Variants in JARID2 observed in about 807,000 individuals in gnomAD.
JARID2 encodes the protein protein Jumonji.
JARID2 carries 21 observed loss-of-function variants against 125.6 expected under a neutral mutation model. The ratio of observed to expected loss-of-function variants is 0.17; its 90% CI spans 0.12 to 0.24. The LOEUF is 0.24. Ranked by LOEUF, JARID2 falls within the 10% of genes least tolerant of loss-of-function variation. JARID2 has a pLI of 1.00. For synonymous variants in JARID2, 736 were observed against 661.6 expected, an observed-to-expected ratio of 1.11 and a Z score of -1.73; for missense variants, 1,303 against 1,639.6, an observed-to-expected ratio of 0.79 and a Z score of 3.55.
At chr6:15,359,818 C>G (rs1763729958) in intron 1 of JARID2, among the ~76,000 whole-genome samples, 1 of 151,912 alleles carries the variant, frequency 6.6e-6, no homozygotes, top group African/African-American at 2.4e-5. Context: ...TCCTGAGTAG[C>G]TGGGACCACA....
intron 1 of JARID2, among the ~76,000 whole-genome samples, chr6:15,324,912 C>T (rs1405419511): frequency 6.6e-6 from 1 of 151,516 alleles, no homozygotes; most frequent in African/African-American, 2.4e-5. Context: ...AAAGCATTCC[C>T]TGCCCTTTGT....
chr6:15,299,025 G>T (rs761641117), intron 1 of JARID2, among the ~76,000 whole-genome samples: 4 of 150,798 alleles, frequency 2.7e-5, no homozygotes, highest in Admixed American at 6.6e-5. Context: ...GAGCAGAGAG[G>T]ATGCTTTGGT....
At chr6:15,408,818 G>A (rs1246211585) in intron 2 of JARID2, among the ~76,000 whole-genome samples, 4 of 152,172 alleles carry the variant, frequency 2.6e-5, no homozygotes, top group Non-Finnish European at 5.9e-5. Flanking sequence ...CTGAAACACT[G>A]GCCACGCTTT....
chr6:15,448,353 TCA>T (rs1051882479), intron 3 of JARID2, among the ~76,000 whole-genome samples: 1 of 152,220 alleles, frequency 6.6e-6, no homozygotes, highest in Non-Finnish European at 1.5e-5. Flanking sequence ...GTAAAATATC[TCA>T]CAGTGTCTCG....
At chr6:15,445,568 C>A (rs2237142) in intron 3 of JARID2, among the ~76,000 whole-genome samples, 17,059 of 152,150 alleles carry the variant, frequency 0.11, 1,136 homozygotes, top group Middle Eastern at 0.19. Context: ...TTTCCCCCTT[C>A]GAGCTCATGC....
intron 1 of JARID2, among the ~76,000 whole-genome samples, chr6:15,373,437 A>G (rs1364177559): frequency 2.0e-5 from 3 of 152,328 alleles, no homozygotes; most frequent in Admixed American, 6.5e-5. Flanking sequence ...AGCAACAGAC[A>G]TGAGGTTGCC....
chr6:15,354,228 G>GTGA (rs1189296927), intron 1 of JARID2, among the ~76,000 whole-genome samples: 1 of 152,178 alleles, frequency 6.6e-6, no homozygotes, highest in Non-Finnish European at 1.5e-5. Flanking sequence ...GAAGGTGGGA[G>GTGA]TGATGCAGTT....
At chr6:15,316,689 G>A (rs1220573127) in intron 1 of JARID2, among the ~76,000 whole-genome samples, 1 of 152,100 alleles carries the variant, frequency 6.6e-6, no homozygotes, top group South Asian at 2.1e-4. Flanking sequence ...TTTTAGTAGA[G>A]ACGGGGTTTC....
chr6:15,314,038 C>G (rs1744680936), intron 1 of JARID2, among the ~76,000 whole-genome samples: 1 of 152,082 alleles, frequency 6.6e-6, no homozygotes, highest in South Asian at 2.1e-4. Context: ...CCCAAGGTGT[C>G]CTGATGTTGA....
At chr6:15,336,560 C>T (rs1762885482) in intron 1 of JARID2, among the ~76,000 whole-genome samples, 1 of 151,826 alleles carries the variant, frequency 6.6e-6, no homozygotes, top group South Asian at 2.1e-4. Context: ...GAATGTTCCC[C>T]AATGTTGAAC....
intron 5 of JARID2, among the ~76,000 whole-genome samples, chr6:15,480,084 T>C (rs1369569679): frequency 6.6e-6 from 1 of 152,254 alleles, no homozygotes; most frequent in Admixed American, 6.5e-5. Flanking sequence ...CATTTAAATA[T>C]CTGGCTTGAG....
intron 3 of JARID2, among the ~76,000 whole-genome samples, chr6:15,441,059 T>C (rs1020143418): frequency 1.3e-5 from 2 of 152,108 alleles, no homozygotes; most frequent in East Asian, 1.9e-4. Flanking sequence ...CTGATACTTA[T>C]CAAAAAAGGC....
At chr6:15,485,177 C>T (rs191048396) in intron 5 of JARID2, among the ~76,000 whole-genome samples, 60 of 152,290 alleles carry the variant, frequency 3.9e-4, no homozygotes, top group African/African-American at 1.3e-3. Flanking sequence ...CATATTTTGA[C>T]GTGGCCTGGT....
intron 3 of JARID2, among the ~76,000 whole-genome samples, chr6:15,444,868 T>G (rs1040017075): frequency 1.8e-4 from 27 of 151,234 alleles, no homozygotes; most frequent in African/African-American, 6.6e-4. Flanking sequence ...AAAATTGAGT[T>G]AATAAAATGA....
chr6:15,458,304 G>A (rs562353808), intron 4 of JARID2, among the ~76,000 whole-genome samples: 9 of 152,268 alleles, frequency 5.9e-5, no homozygotes, highest in Non-Finnish European at 4.4e-5. Context: ...CAAACAAGGG[G>A]ATTCCCAAAG....
intron 1 of JARID2, among the ~76,000 whole-genome samples, chr6:15,258,112 G>A (rs1278246244): frequency 6.6e-6 from 1 of 152,212 alleles, no homozygotes; most frequent in South Asian, 2.1e-4. Flanking sequence ...TGTTTGTGAG[G>A]TGGGCTTTGT....
At chr6:15,268,353 G>A (rs773934381) in intron 1 of JARID2, among the ~76,000 whole-genome samples, 1 of 152,216 alleles carries the variant, frequency 6.6e-6, no homozygotes, top group Non-Finnish European at 1.5e-5. Flanking sequence ...CCTGAGGAGT[G>A]CAGCTTAACG....
chr6:15,405,816 C>T (rs963062263), intron 2 of JARID2, among the ~76,000 whole-genome samples: 4 of 152,182 alleles, frequency 2.6e-5, no homozygotes, highest in African/African-American at 9.7e-5. Flanking sequence ...AGTACATTAG[C>T]TTGGCTAATG....
chr6:15,248,885 G>T lies in JARID2; in HGVS notation c.45+2301G>T, dbSNP rs572926824. 40 of 984,648 alleles carry T rather than the reference G, an allele frequency of 4.1e-5. No homozygotes were observed. The South Asian group carries it at 1.6e-3, about 40-fold the overall frequency. 61.0% of individuals were successfully genotyped at this position (984,648 alleles called of 1,614,324 possible). ...GGGGCGGGGGCTGCCGCAGAGCCGGGCTGCGGCGTGGGAGGAGGAAGAGGA... is the reference window on the plus strand; with the variant it reads ...GGGGCGGGGGCTGCCGCAGAGCCGGTCTGCGGCGTGGGAGGAGGAAGAGGA... On this transcript the variant is annotated intron_variant, in intron 1 of 17. Coordinates refer to ENST00000341776, the MANE Select transcript of JARID2 (RefSeq NM_004973.4).
Sources: gnomAD v4.1 joint callset for allele counts (sites outside exome capture counted in the v4.1 genomes callset) on GRCh38, gnomAD v4.1.1 for gene constraint, MANE v1.5 for transcripts, NCBI Gene and HGNC (gene_info 2026-07-23, HGNC 2026-07-21) for gene names.